DENND2A: variants seen among roughly 807,000 people sequenced by gnomAD.
DENND2A encodes DENN domain-containing protein 2A.
DENND2A carries 53 observed loss-of-function variants against 105.3 expected under a neutral mutation model. The observed-to-expected ratio is 0.50, with a 90% CI of 0.40 to 0.63. The LOEUF (loss-of-function observed/expected upper bound fraction) is 0.63, where lower values mean the gene tolerates loss of function less well. Ranked by LOEUF, DENND2A falls within the 30% of genes least tolerant of loss-of-function variation. The probability of loss-of-function intolerance (pLI) is 0.00; values close to 1 mark genes in which losing one functional copy is unlikely to be tolerated. For synonymous variants in DENND2A, 522 were observed against 508.4 expected, an observed-to-expected ratio of 1.03 and a Z score of -0.36; for missense variants, 1,138 against 1,279.6, an observed-to-expected ratio of 0.89 and a Z score of 1.69.
chr7:140,626,617 C>G (rs1800542613), intron 1 of DENND2A, among the ~76,000 whole-genome samples: 1 of 152,230 alleles, frequency 6.6e-6, no homozygotes, highest in Non-Finnish European at 1.5e-5. Flanking sequence ...TCTTTCCCAC[C>G]TCCTTTCTCC....
chr7:140,570,366 C>T lies in DENND2A; in HGVS notation c.1447-628G>A, dbSNP rs944551921. Among the ~76,000 whole-genome samples, 5 of 152,100 alleles carry T rather than the reference C, an allele frequency of 3.3e-5. No homozygotes were observed. In the East Asian group the frequency reaches 5.8e-4, roughly 18 times the overall value. ...GATGGCTGCTTTCCCTCTGAGGCCT[C>T]GATGTCACTGCGGCTTGGGAAGGAG... On this transcript the variant is annotated intron_variant, in intron 6 of 19. Coordinates refer to ENST00000496613, the MANE Select transcript of DENND2A (RefSeq NM_015689.5).
At chr7:140,605,255 T>A (rs1015763945) in intron 2 of DENND2A, among the ~76,000 whole-genome samples, 1 of 152,090 alleles carries the variant, frequency 6.6e-6, no homozygotes, top group Non-Finnish European at 1.5e-5. Flanking sequence ...TAAGAACCCC[T>A]CAGTGGCTGC....
Position 140,609,042 on chromosome 7 carries a change from A to C in DENND2A, c.-247-3236T>G, listed in dbSNP as rs1479188363. On this transcript the variant is annotated intron_variant, in intron 1 of 19. Transcript: ENST00000496613. ...AAGGGCTGGGCTTCATGACAGCTTG[A>C]GTTTTTACACAACCCAAGGTTCCTT... Among the ~76,000 whole-genome samples, 7 of 152,294 alleles carry C rather than the reference A, an allele frequency of 4.6e-5. No homozygotes were observed. In the East Asian group the frequency reaches 1.2e-3, roughly 25 times the overall value.
chr7:140,641,020 C>T (rs1341431428), upstream of DENND2A, among the ~76,000 whole-genome samples: 1 of 152,184 alleles, frequency 6.6e-6, no homozygotes, highest in Non-Finnish European at 1.5e-5. Context: ...GGGAGGACGC[C>T]CGCCGCGCGC....
At chr7:140,583,353 T>C (rs576319907) in intron 5 of DENND2A, among the ~76,000 whole-genome samples, 11 of 149,692 alleles carry the variant, frequency 7.3e-5, no homozygotes, top group South Asian at 2.1e-4. Flanking sequence ...AAAAAAGAAA[T>C]GGTTTAACTG....
Position 140,545,094 on chromosome 7 carries a change from A to G in DENND2A, c.2179-328T>C, listed in dbSNP as rs191896594. On this transcript the variant is annotated intron_variant, in intron 13 of 19. Coordinates refer to ENST00000496613, the MANE Select transcript of DENND2A (RefSeq NM_015689.5). ...TTGCGGGGCTCTCTCTGGCAACAGC[A>G]TATCTGTACTCCCCATGGAGAGTTT... 4.7e-3 allele frequency among the ~76,000 whole-genome samples: 709 copies of G among 152,152 alleles called. 1 individual carries two copies. Among genetic ancestry groups the G allele is most frequent in the Middle Eastern group, 0.01 (3 of 294 alleles).
intron 12 of DENND2A, among the ~76,000 whole-genome samples, chr7:140,549,293 C>T (rs1213088710): frequency 6.6e-6 from 1 of 151,100 alleles, no homozygotes; most frequent in Non-Finnish European, 1.5e-5. Flanking sequence ...ATGAGTCTTG[C>T]TCTGTCGCCC....
chr7:140,574,672 C>A (rs1798231588), intron 5 of DENND2A, among the ~76,000 whole-genome samples: 1 of 152,210 alleles, frequency 6.6e-6, no homozygotes, highest in South Asian at 2.1e-4. Context: ...GCCTTTTATA[C>A]AAGGAATTGT....
intron 10 of DENND2A, among the ~76,000 whole-genome samples, 170 bp from the exon 11 acceptor site, chr7:140,558,382 C>G (rs982879157): frequency 6.6e-6 from 1 of 152,146 alleles, no homozygotes; most frequent in Non-Finnish European, 1.5e-5. Flanking sequence ...CACTGGTCAC[C>G]CATAGCTTCA....
chr7:140,627,082 A>G (rs1229434727), intron 1 of DENND2A, among the ~76,000 whole-genome samples: 1 of 152,242 alleles, frequency 6.6e-6, no homozygotes, highest in Non-Finnish European at 1.5e-5. Flanking sequence ...CATTCAGCAC[A>G]GTGCATAGCC....
In DENND2A at chr7:140,542,788, CCTT is replaced by C. The variant is rs367966248; in HGVS notation, c.2327+1827_2327+1829del. Among the ~76,000 whole-genome samples the C allele has an allele frequency of 7.3e-3, 1,110 of 152,016 alleles. 11 individuals carry two copies. Among genetic ancestry groups the C allele is most frequent in the South Asian group, 0.022 (108 of 4,818 alleles). ...ACCATGTTGTTCAGGCTGGTCTTGA[CCTT>C]CTGACCTCAAGTGATCCACCTGCCT... On this transcript the variant is annotated intron_variant, in intron 14 of 19. Transcript: ENST00000496613.
rs1230726071 is a variant in DENND2A, at chr7:140,591,789, TTTC to T, written c.996-4012_996-4010del. On this transcript the variant is annotated intron_variant, in intron 3 of 19. Coordinates refer to ENST00000496613, the MANE Select transcript of DENND2A (RefSeq NM_015689.5). ...CCTTTTCTTTCCTTCCTTTCTTTCT[TTTC>T]TTTTCTTTCTTTCTTTTTCCTTCTC... Among the ~76,000 whole-genome samples the T allele has an allele frequency of 7.4e-5, 11 of 149,268 alleles. No individual in the cohort carries two copies. The East Asian group carries it at 7.8e-4, about 11-fold the overall frequency.
intron 9 of DENND2A, among the ~76,000 whole-genome samples, chr7:140,562,579 G>T (rs1018651027): frequency 6.6e-6 from 1 of 152,090 alleles, no homozygotes; most frequent in Non-Finnish European, 1.5e-5. Context: ...GAAGAATGGC[G>T]TGAATCCGGG....
intron 9 of DENND2A, among the ~76,000 whole-genome samples, chr7:140,562,176 C>T (rs1797643659): frequency 6.6e-6 from 1 of 151,872 alleles, no homozygotes; most frequent in Non-Finnish European, 1.5e-5. Context: ...GCGTGAGCCA[C>T]CGCGCCCGGC....
At chr7:140,563,550 A>C (rs1386332348) in intron 9 of DENND2A, among the ~76,000 whole-genome samples, 9 of 152,048 alleles carry the variant, frequency 5.9e-5, no homozygotes. Context: ...CCACAAAAAA[A>C]GTTTAAAAAG....
intron 1 of DENND2A, among the ~76,000 whole-genome samples, chr7:140,617,008 C>T (rs1487374189): frequency 6.6e-6 from 1 of 152,204 alleles, no homozygotes; most frequent in South Asian, 2.1e-4. Context: ...CTGGCGTGTG[C>T]CACCACGCCC....
At chr7:140,564,827 A>G (rs1797772787) in intron 9 of DENND2A, among the ~76,000 whole-genome samples, 1 of 152,216 alleles carries the variant, frequency 6.6e-6, no homozygotes, top group Non-Finnish European at 1.5e-5. Context: ...CTAGGCCCCA[A>G]GGCAATGAAC....
intron 1 of DENND2A, among the ~76,000 whole-genome samples, chr7:140,620,940 A>C (rs1800266172): frequency 6.6e-6 from 1 of 152,174 alleles, no homozygotes; most frequent in African/African-American, 2.4e-5. Flanking sequence ...CCAGGATGTC[A>C]CTCAGATATC....
At chr7:140,626,799 T>C (rs1800549075) in intron 1 of DENND2A, among the ~76,000 whole-genome samples, 1 of 152,198 alleles carries the variant, frequency 6.6e-6, no homozygotes, top group African/African-American at 2.4e-5. Flanking sequence ...ATCCCCTTGC[T>C]TGGGGCCAGC....
Sources: allele counts gnomAD v4.1 joint callset (sites outside exome capture counted in the v4.1 genomes callset), GRCh38; gene constraint gnomAD v4.1.1; transcripts MANE v1.5; gene names NCBI Gene and HGNC (gene_info 2026-07-23, HGNC 2026-07-21).